Variants in CDH23 observed in about 807,000 individuals in gnomAD.
CDH23 encodes the protein cadherin related 23.
In CDH23, 189 loss-of-function variants were observed where a neutral mutation model predicts 317.1. That is an observed-to-expected ratio of 0.60 (90% confidence interval 0.53 to 0.67). CDH23 has a LOEUF of 0.67. Ranked by LOEUF, CDH23 falls within the 30% of genes least tolerant of loss-of-function variation. The pLI, the probability that CDH23 is intolerant of heterozygous loss-of-function variation, is 0.00. For missense variants in CDH23, 4,401 were observed against 4,592.4 expected (o/e 0.96, Z 1.20); for synonymous variants, 1,839 against 1,876.8 (o/e 0.98, Z 0.52).
At chr10:71,725,772 G>T (rs1200968716) in intron 30 of CDH23, among the ~76,000 whole-genome samples, 5 of 152,340 alleles carry the variant, frequency 3.3e-5, no homozygotes, top group African/African-American at 1.2e-4. Flanking sequence ...AGGGATGAAA[G>T]AGGTGTCCTT....
At chr10:71,491,104 A>G (rs1589132065) in intron 3 of CDH23, among the ~76,000 whole-genome samples, 1 of 152,174 alleles carries the variant, frequency 6.6e-6, no homozygotes, top group Non-Finnish European at 1.5e-5. Context: ...CACCAAATGC[A>G]TCGATTGGGT....
intron 62 of CDH23, 54 bp from the exon 63 acceptor site, chr10:71,811,261 C>T (rs1841912547): frequency 8.1e-6 from 13 of 1,612,500 alleles, no homozygotes; most frequent in African/African-American, 1.3e-5. Context: ...AGCAGACTGT[C>T]GGTGGTGGGG....
At chr10:71,767,315 C>A (rs1356029389) in intron 38 of CDH23, among the ~76,000 whole-genome samples, 1 of 152,226 alleles carries the variant, frequency 6.6e-6, no homozygotes, top group African/African-American at 2.4e-5. Flanking sequence ...CCCACAGTCG[C>A]CAAGGCAACG....
chr10:71,732,934 C>A (rs909175475), intron 32 of CDH23, among the ~76,000 whole-genome samples: 1 of 152,222 alleles, frequency 6.6e-6, no homozygotes, highest in African/African-American at 2.4e-5. Flanking sequence ...ACAGCTCAGT[C>A]CCTCCCACAC....
chr10:71,497,303 G>A (rs1348522454), intron 3 of CDH23, among the ~76,000 whole-genome samples: 1 of 151,700 alleles, frequency 6.6e-6, no homozygotes, highest in African/African-American at 2.4e-5. Context: ...AGTTTCAGGA[G>A]AGGGGAAAAA....
chr10:71,620,033 C>A (rs1051996514), intron 11 of CDH23, among the ~76,000 whole-genome samples: 1 of 152,202 alleles, frequency 6.6e-6, no homozygotes, highest in Non-Finnish European at 1.5e-5. Flanking sequence ...TGATTTCTCA[C>A]GTGGACGACT....
At chr10:71,729,521 G>A (rs920947487) in intron 30 of CDH23, among the ~76,000 whole-genome samples, 1 of 152,206 alleles carries the variant, frequency 6.6e-6, no homozygotes, top group African/African-American at 2.4e-5. Flanking sequence ...CTAGGGGACG[G>A]AAGTTCCCAG....
rs781137533 is a variant in CDH23, at chr10:71,682,498, T to C, written c.1912T>C (p.Tyr638His). The C allele has an allele frequency of 2.4e-5, 39 of 1,613,280 alleles. No homozygotes were observed. The highest frequency in any genetic ancestry group is 3.3e-5 in the Non-Finnish European group (39 of 1,179,662). Residue 638 changes from tyrosine (Y) to histidine (H), a missense_variant, in exon 18 of 70, where the codon TAT becomes CAT. By Grantham distance (83) the Tyr-to-His change is moderately conservative (BLOSUM62 2). Transcript: ENST00000224721. ...TGAACAGATATCCAATGGGCTGATTTATCTGACGGTCATGGCCATGGATGC... is the reference window on the plus strand; with the variant it reads ...TGAACAGATATCCAATGGGCTGATTCATCTGACGGTCATGGCCATGGATGC... Reference protein sequence around the residue: ...DYEQISNGLIYLTVMAMDAGN... With the variant: ...DYEQISNGLIHLTVMAMDAGN...
chr10:71,428,940 T>G (rs1849242194), intron 1 of CDH23, among the ~76,000 whole-genome samples: 1 of 152,186 alleles, frequency 6.6e-6, no homozygotes, highest in Non-Finnish European at 1.5e-5. Context: ...CGAATTGGGT[T>G]GTTTGTTTTG....
chr10:71,494,941 T>A (rs1201734463), intron 3 of CDH23, among the ~76,000 whole-genome samples: 1 of 152,056 alleles, frequency 6.6e-6, no homozygotes, highest in Non-Finnish European at 1.5e-5. Flanking sequence ...AAAGGGTGTG[T>A]ACCCAGGGGG....
At chr10:71,479,072 A>G (rs939254482) in intron 3 of CDH23, among the ~76,000 whole-genome samples, 19 of 152,208 alleles carry the variant, frequency 1.2e-4, no homozygotes, top group Non-Finnish European at 2.6e-4. Flanking sequence ...GAGTCCTCAG[A>G]ACAGCCTTGA....
At chr10:71,771,390 A>T (rs1462809075) in intron 38 of CDH23, among the ~76,000 whole-genome samples, 2 of 152,026 alleles carry the variant, frequency 1.3e-5, no homozygotes, top group East Asian at 3.9e-4. Context: ...ACTCTATCTC[A>T]CTTTCCCTGG....
intron 14 of CDH23, among the ~76,000 whole-genome samples, chr10:71,668,417 A>T (rs1457054071): frequency 6.6e-6 from 1 of 151,838 alleles, no homozygotes; most frequent in Non-Finnish European, 1.5e-5. Context: ...CTCAGACTTC[A>T]CTCCCCCAGC....
At chr10:71,602,823 A>C (rs917208056) in intron 9 of CDH23, among the ~76,000 whole-genome samples, 1 of 152,198 alleles carries the variant, frequency 6.6e-6, no homozygotes, top group African/African-American at 2.4e-5. Context: ...CTGAACCTCT[A>C]AACAGCCCTG....
At chr10:71,805,751 A>C in intron 55 of CDH23, 55 bp from the exon 56 acceptor site, 18 of 1,525,722 alleles carry the variant, frequency 1.2e-5, no homozygotes, top group Non-Finnish European at 1.4e-5. Context: ...CTCAGGACCT[A>C]GGAGCTGAGA....
At chr10:71,546,471 A>T (rs1856288120) in intron 6 of CDH23, among the ~76,000 whole-genome samples, 8 of 152,172 alleles carry the variant, frequency 5.3e-5, no homozygotes, top group Admixed American at 5.2e-4. Flanking sequence ...GGCAGTGCAG[A>T]ATGTGGGCTC....
intron 9 of CDH23, among the ~76,000 whole-genome samples, chr10:71,580,270 A>G (rs905502169): frequency 6.6e-6 from 1 of 152,216 alleles, no homozygotes; most frequent in African/African-American, 2.4e-5. Flanking sequence ...GTCCGGGCAC[A>G]ACTGCCTGCA....
Position 71,777,687 on chromosome 10 carries a change from C to T in CDH23, c.4853C>T (p.Thr1618Met), listed in dbSNP as rs371884850. ...DEGTPTLSAT[T>M]HVYVTIVDEN... ...ACCCACTCTTTTCCACAGGCCACCA[C>T]GCACGTGTACGTGACCATTGTGGAT... The change falls in exon 39 of 70, where the codon ACG becomes ATG. Residue 1618 changes from threonine (T) to methionine (M), a missense_variant. This residue lies in a region of CDH23 where 3,068 missense variants were observed against 3,203.3 expected (regional missense o/e 0.96). Transcript: ENST00000224721. The T allele has an allele frequency of 1.5e-5, 24 of 1,610,424 alleles. No homozygotes were observed. Among genetic ancestry groups the T allele is most frequent in the Middle Eastern group, 3.4e-4 (2 of 5,888 alleles).
chr10:71,747,626 T>C (rs1003072946), intron 38 of CDH23: 2 of 152,256 alleles, frequency 1.3e-5, no homozygotes, highest in African/African-American at 4.8e-5. Flanking sequence ...TTGCCCTCTG[T>C]GTTAAATGGC....
Sources: allele counts gnomAD v4.1 joint callset (sites outside exome capture counted in the v4.1 genomes callset), GRCh38; gene constraint gnomAD v4.1.1; regional missense constraint gnomAD v4.1.1; transcripts MANE v1.5; gene names NCBI Gene and HGNC (gene_info 2026-07-23, HGNC 2026-07-21).